SLC36A1: variants seen among roughly 807,000 people sequenced by gnomAD.
The protein encoded by SLC36A1 is proton-coupled amino acid transporter 1.
A neutral mutation model predicts 47.5 loss-of-function variants in SLC36A1; 30 were observed. The observed-to-expected ratio is 0.63, with a 90% confidence interval of 0.47 to 0.86. SLC36A1 has a LOEUF of 0.86. SLC36A1 is among the 40% of genes least tolerant of loss of function. The pLI is 0.00. For synonymous variants in SLC36A1, 255 were observed against 249.7 expected (o/e 1.02, Z -0.20); for missense variants, 517 against 606.0 (o/e 0.85, Z 1.54).
the SLC36A1 span, among the ~76,000 whole-genome samples, chr5:151,365,480 G>A: frequency 6.6e-6 from 1 of 152,176 alleles, no homozygotes; most frequent in Non-Finnish European, 1.5e-5. Flanking sequence ...AATCAGCAGG[G>A]AAACCAAACT....
At chr5:151,554,738 A>AGCCCTACCACC in the SLC36A1 span, 2 of 1,253,792 alleles carry the variant, frequency 1.6e-6, no homozygotes, top group African/African-American at 3.0e-5. Flanking sequence ...ATGCTTTAAC[A>AGCCCTACCACC]ACCTGGAAAT....
chr5:151,376,395 C>CT, the SLC36A1 span, among the ~76,000 whole-genome samples: 2 of 151,894 alleles, frequency 1.3e-5, no homozygotes, highest in African/African-American at 2.4e-5. Context: ...TCCTTTTTAT[C>CT]TTTTTTTGTT....
intron 2 of SLC36A1, chr5:151,459,964 C>T (rs1755265687): frequency 6.6e-6 from 1 of 152,244 alleles, no homozygotes; most frequent in African/African-American, 2.4e-5. Context: ...ATGCCTCAGG[C>T]TGGAAGTACT....
the SLC36A1 span, chr5:151,506,084 T>G: frequency 6.6e-7 from 1 of 1,520,034 alleles, no homozygotes; most frequent in Non-Finnish European, 8.7e-7. Flanking sequence ...AGACCATGGC[T>G]CCGCCAGGGT....
At chr5:151,454,124 G>T (rs1754092663) in intron 1 of SLC36A1, among the ~76,000 whole-genome samples, 1 of 94,106 alleles carries the variant, frequency 1.1e-5, no homozygotes, top group Non-Finnish European at 2.1e-5. Context: ...CAAACTTGCA[G>T]ACTTTTTTTA....
chr5:151,468,013 T>C (rs13357451), intron 7 of SLC36A1, 88 bp downstream of exon 7: 239,045 of 1,042,406 alleles, frequency 0.23, 30,082 homozygotes, highest in East Asian at 0.52. Context: ...CCCAGCACTT[T>C]GGGAGGTGGG....
At chr5:151,382,351 T>G in the SLC36A1 span, 1 of 797,670 alleles carries the variant, frequency 1.3e-6, no homozygotes, top group Non-Finnish European at 2.1e-6. Flanking sequence ...GATCTGGCCA[T>G]GCGCCAGCTC....
At chr5:151,412,721 G>T in the SLC36A1 span, 2 of 144,590 alleles carry the variant, frequency 1.4e-5, 1 homozygote, top group African/African-American at 5.0e-5. Flanking sequence ...CTGGCAGTCA[G>T]CTATGATCTC....
At chr5:151,513,722 C>CA in the SLC36A1 span, among the ~76,000 whole-genome samples, 2 of 152,158 alleles carry the variant, frequency 1.3e-5, no homozygotes, top group African/African-American at 4.8e-5. Flanking sequence ...AACAAACCTG[C>CA]ATATGTACCC....
the SLC36A1 span, among the ~76,000 whole-genome samples, chr5:151,541,157 G>T: frequency 2.0e-5 from 3 of 152,176 alleles, no homozygotes; most frequent in African/African-American, 7.2e-5. Flanking sequence ...ACACTCCAAG[G>T]TTTTATTTTA....
the SLC36A1 span, among the ~76,000 whole-genome samples, chr5:151,536,394 C>T: frequency 6.6e-6 from 1 of 152,128 alleles, no homozygotes; most frequent in Non-Finnish European, 1.5e-5. Flanking sequence ...CCCTTCTCCC[C>T]TGCCACCCCC....
the SLC36A1 span, chr5:151,510,205 G>C: frequency 6.2e-7 from 1 of 1,611,826 alleles, no homozygotes; most frequent in Non-Finnish European, 8.5e-7. Flanking sequence ...GTGAGAGACC[G>C]CACTGGCCTA....
chr5:151,367,426 T>C, the SLC36A1 span, among the ~76,000 whole-genome samples: 2 of 149,160 alleles, frequency 1.3e-5, no homozygotes, highest in Non-Finnish European at 3.0e-5. Flanking sequence ...TTTAGCGATA[T>C]GTTTCCTACT....
chr5:151,461,151 T>C (rs1405055860), intron 2 of SLC36A1, among the ~76,000 whole-genome samples: 3 of 128,280 alleles, frequency 2.3e-5, no homozygotes, highest in African/African-American at 7.5e-5. Context: ...GGCTACTTTT[T>C]GTATTTTTTT....
chr5:151,479,890 C>T (rs574456273), intron 10 of SLC36A1: 2 of 518,664 alleles, frequency 3.9e-6, no homozygotes, highest in Non-Finnish European at 6.7e-6. Flanking sequence ...TGTTTTTCCA[C>T]TGTGACAAGT....
chr5:151,430,058 A>C, the SLC36A1 span, among the ~76,000 whole-genome samples: 3 of 152,088 alleles, frequency 2.0e-5, no homozygotes, highest in Admixed American at 6.5e-5. Context: ...CCTTGTGCTC[A>C]GGCTCTGTAT....
the SLC36A1 span, chr5:151,553,315 G>C: frequency 3.1e-6 from 5 of 1,614,272 alleles, no homozygotes; most frequent in Non-Finnish European, 4.2e-6. Context: ...GACGGCCGGG[G>C]CCAAGGGATC....
chr5:151,396,380 C>T, the SLC36A1 span, among the ~76,000 whole-genome samples: 1 of 152,024 alleles, frequency 6.6e-6, no homozygotes, highest in African/African-American at 2.4e-5. Flanking sequence ...GGATTACAGG[C>T]ATGAGCCACC....
At chr5:151,468,473 T>C (rs1277270772) in intron 7 of SLC36A1, among the ~76,000 whole-genome samples, 1 of 148,712 alleles carries the variant, frequency 6.7e-6, no homozygotes, top group Non-Finnish European at 1.5e-5. Context: ...AAGTGGAATG[T>C]AAATAGTTAT....
Sources: gnomAD v4.1 joint callset for allele counts (sites outside exome capture counted in the v4.1 genomes callset) on GRCh38, gnomAD v4.1.1 for gene constraint, MANE v1.5 for transcripts, NCBI Gene and HGNC (gene_info 2026-07-23, HGNC 2026-07-21) for gene names.